GPATCH8: variants seen among roughly 807,000 people sequenced by gnomAD.
GPATCH8 encodes the protein G-patch domain containing 8.
A neutral mutation model predicts 118.3 loss-of-function variants in GPATCH8; 18 were observed. That is an observed-to-expected ratio of 0.15 (90% CI 0.11 to 0.23). The LOEUF (loss-of-function observed/expected upper bound fraction) is 0.23, where lower values mean the gene tolerates loss of function less well. GPATCH8 is among the 10% of genes least tolerant of loss of function. The pLI is 1.00. For missense variants in GPATCH8, 1,631 were observed against 1,873.8 expected (o/e 0.87, Z 2.39); for synonymous variants, 659 against 684.7 (o/e 0.96, Z 0.59).
At chr17:44,495,099 C>T (rs1020686452) in intron 1 of GPATCH8, among the ~76,000 whole-genome samples, 1 of 152,128 alleles carries the variant, frequency 6.6e-6, no homozygotes, top group African/African-American at 2.4e-5. Context: ...CATTGGGAGG[C>T]CAAGGCGGGC....
chr17:44,435,271 T>C (rs1411531385), intron 4 of GPATCH8, 120 bp from the exon 5 acceptor site: 2 of 682,360 alleles, frequency 2.9e-6, no homozygotes, highest in East Asian at 5.4e-5. Context: ...TAATTTTGCT[T>C]AGCTACTGCT....
rs1970240090 is a variant in GPATCH8 at position 44,503,378 on chromosome 17, C to T, written c.-8G>A. ...GGAGAAGCGGTCCGCCATTTTGCCGCCTTCACTCCTCTCAGGACGACGCTC... is the reference window on the plus strand; with the variant it reads ...GGAGAAGCGGTCCGCCATTTTGCCGTCTTCACTCCTCTCAGGACGACGCTC... On this transcript the variant is annotated 5_prime_UTR_variant, in exon 1 of 8. Transcript: ENST00000591680. 2 of 1,606,606 alleles carry T rather than the reference C, an allele frequency of 1.2e-6. No homozygotes were observed. The highest frequency in any genetic ancestry group is 2.7e-5 in the African/African-American group (2 of 74,728).
rs879848840 is a variant in GPATCH8 at position 44,413,600 on chromosome 17, TGAGA to T, written c.493-7553_493-7550del. Among the ~76,000 whole-genome samples, 1,131 of 152,194 alleles carry T rather than the reference TGAGA, an allele frequency of 7.4e-3. 9 individuals are homozygous for T. Among genetic ancestry groups the T allele is most frequent in the Non-Finnish European group, 0.013 (871 of 67,990 alleles). ...AAGCGATTCTCCTGCCTCAGCCTCC[TGAGA>T]AGCTGGGACCATAGATGCGTGCCAC... On this transcript the variant is annotated intron_variant, in intron 6 of 7. Coordinates refer to ENST00000591680, the MANE Select transcript of GPATCH8 (RefSeq NM_001002909.4).
intron 5 of GPATCH8, among the ~76,000 whole-genome samples, chr17:44,434,429 C>T (rs891183962): frequency 2.0e-5 from 3 of 152,264 alleles, no homozygotes; most frequent in East Asian, 1.9e-4. Flanking sequence ...GGGGGTCAAG[C>T]GCGGTGACTT....
At chr17:44,431,542 C>T (rs2050315784) in intron 5 of GPATCH8, among the ~76,000 whole-genome samples, 1 of 148,068 alleles carries the variant, frequency 6.8e-6, no homozygotes, top group Non-Finnish European at 1.5e-5. Flanking sequence ...TTATATCTCA[C>T]ATATTAAAAA....
At chr17:44,421,792 T>A (rs1034760496) in intron 6 of GPATCH8, among the ~76,000 whole-genome samples, 84 of 151,978 alleles carry the variant, frequency 5.5e-4, no homozygotes, top group African/African-American at 1.9e-3. Context: ...AGCGACATGA[T>A]CTTGCCTCAC....
chr17:44,442,122 T>TATAGAG (rs1567993979), intron 3 of GPATCH8, among the ~76,000 whole-genome samples: 1 of 128,994 alleles, frequency 7.8e-6, no homozygotes, highest in East Asian at 2.3e-4. Context: ...TATATATATA[T>TATAGAG]AGAGAGAGAG....
At chr17:44,439,260 T>A (rs2050611778) in intron 3 of GPATCH8, among the ~76,000 whole-genome samples, 1 of 152,206 alleles carries the variant, frequency 6.6e-6, no homozygotes, top group African/African-American at 2.4e-5. Flanking sequence ...TTTGTGCATT[T>A]GAATTCTGTT....
chr17:44,490,128 T>C (rs1181199847), intron 1 of GPATCH8, among the ~76,000 whole-genome samples: 2 of 152,110 alleles, frequency 1.3e-5, no homozygotes, highest in African/African-American at 2.4e-5. Context: ...GGACACCCTA[T>C]CTTTACAAAT....
Position 44,399,731 on chromosome 17 carries a change from A to G in GPATCH8, c.2346T>C (p.Gly782=). The part of the protein sequence containing the change: ...GGGGSSSQDH[G]GRKHKGELPP... ...GAAGTTCACCTTTGTGTTTCCTCCCACCATGGTCTTGGGAGCTGCTACCAC... is the reference window on the plus strand; with the variant it reads ...GAAGTTCACCTTTGTGTTTCCTCCCGCCATGGTCTTGGGAGCTGCTACCAC... Residue 782 remains glycine (G), a synonymous_variant, in exon 8 of 8, where the codon GGT becomes GGC. Coordinates refer to ENST00000591680, the MANE Select transcript of GPATCH8 (RefSeq NM_001002909.4). 1 of 1,613,806 alleles carries G rather than the reference A, an allele frequency of 6.2e-7. No individual in the cohort carries two copies.
intron 5 of GPATCH8, among the ~76,000 whole-genome samples, chr17:44,432,443 A>ACT (rs1204823035): frequency 6.6e-6 from 1 of 152,146 alleles, no homozygotes; most frequent in Non-Finnish European, 1.5e-5. Context: ...AGCTGAGAGG[A>ACT]CTAAGAGGGA....
At chr17:44,475,388 A>G (rs1363476547) in intron 1 of GPATCH8, among the ~76,000 whole-genome samples, 1 of 144,594 alleles carries the variant, frequency 6.9e-6, no homozygotes, top group African/African-American at 2.6e-5. Context: ...TCAAAAAAGA[A>G]AAAAAAAAAA....
At position 44,423,135 on chromosome 17, in the gene GPATCH8, G is replaced by T. The variant is rs533058366; in HGVS notation, c.492+1214C>A. Among the ~76,000 whole-genome samples, 14 of 152,144 alleles carry T rather than the reference G, an allele frequency of 9.2e-5. No individual in the cohort carries two copies. The South Asian group carries it at 2.7e-3, about 29-fold the overall frequency. On this transcript the variant is annotated intron_variant, in intron 6 of 7. Coordinates refer to ENST00000591680, the MANE Select transcript of GPATCH8 (RefSeq NM_001002909.4). ...AGGCACCTGTAATCCCAGCTACTCA[G>T]GAGGCTGAGGCAGGAGAATCACTTG...
At chr17:44,488,615 C>T (rs1968983877) in intron 1 of GPATCH8, among the ~76,000 whole-genome samples, 1 of 150,574 alleles carries the variant, frequency 6.6e-6, no homozygotes, top group Non-Finnish European at 1.5e-5. Flanking sequence ...AGGTGATCTG[C>T]CTGCCTCGGC....
intron 6 of GPATCH8, 101 bp from the exon 7 acceptor site, chr17:44,406,152 G>A (rs2049212834): frequency 1.2e-6 from 1 of 857,248 alleles, no homozygotes; most frequent in South Asian, 1.3e-5. Flanking sequence ...CAACAGTCAT[G>A]GTATTAGTGT....
At chr17:44,494,820 C>T (rs1297281682) in intron 1 of GPATCH8, among the ~76,000 whole-genome samples, 1 of 152,220 alleles carries the variant, frequency 6.6e-6, no homozygotes, top group East Asian at 1.9e-4. Context: ...ATAGCTAGTG[C>T]ATGCCTGCTT....
chr17:44,477,067 GAT>G (rs1288702647), intron 1 of GPATCH8, among the ~76,000 whole-genome samples: 1 of 152,182 alleles, frequency 6.6e-6, no homozygotes, highest in African/African-American at 2.4e-5. Context: ...TGTGTGGAAA[GAT>G]ATGATAACTT....
At position 44,400,654 on chromosome 17, in the gene GPATCH8, C is replaced by G. The variant is rs755004541; in HGVS notation, c.1423G>C (p.Glu475Gln). Residue 475 changes from glutamate (E) to glutamine (Q), a missense_variant, in exon 8 of 8, where the codon GAA becomes CAA. Transcript: ENST00000591680. ...PKETSMTEPS[E>Q]PGSKAEAKKA... ...TTTGCCTCAGCTTTGCTTCCTGGTT[C>G]TGAGGGCTCGGTCATGCTGGTTTCC... The G allele has an allele frequency of 1.2e-6, 2 of 1,613,370 alleles. No homozygotes were observed. Among genetic ancestry groups the G allele is most frequent in the South Asian group, 2.2e-5 (2 of 91,022 alleles).
chr17:44,407,706 G>C (rs2049284740), intron 6 of GPATCH8, among the ~76,000 whole-genome samples: 1 of 150,976 alleles, frequency 6.6e-6, no homozygotes, highest in South Asian at 2.1e-4. Context: ...GCCCAGGCTG[G>C]AGTGCAGTGG....
Sources: gnomAD v4.1 joint callset for allele counts (sites outside exome capture counted in the v4.1 genomes callset) on GRCh38, gnomAD v4.1.1 for gene constraint, MANE v1.5 for transcripts, NCBI Gene and HGNC (gene_info 2026-07-23, HGNC 2026-07-21) for gene names.